The following MAF variants were observed in gnomAD, a reference collection of about 807,000 sequenced individuals.
The protein encoded by MAF is MAF bZIP transcription factor, also known as transcription factor Maf.
MAF carries 10 observed loss-of-function variants against 22.0 expected under a neutral mutation model. The ratio of observed to expected loss-of-function variants is 0.45; its 90% CI spans 0.28 to 0.77. The LOEUF is 0.77. MAF is among the 30% of genes least tolerant of loss of function. MAF has a pLI of 0.12. For synonymous variants in MAF, 337 were observed against 255.8 expected, an observed-to-expected ratio of 1.32 and a Z score of -3.03; for missense variants, 544 against 548.4, an observed-to-expected ratio of 0.99 and a Z score of 0.08.
chr16:79,599,426 G>A lies in MAF; in HGVS notation c.477C>T (p.Pro159=), dbSNP rs1913847067. The change falls in exon 1 of 2, where the codon CCC becomes CCT. Residue 159 remains proline, a synonymous_variant. Coordinates refer to ENST00000326043, the MANE Select transcript of MAF (RefSeq NM_005360.5). ...SLGGSGEEMG[P]AAAVVSAVIA... ...TCACGGCGGACACCACGGCGGCGGC[G>A]GGGCCCATCTCCTCGCCGCTGCCGC... 3 of 1,198,050 alleles carry A rather than the reference G, an allele frequency of 2.5e-6. No individual in the cohort carries two copies. Among genetic ancestry groups the A allele is most frequent in the South Asian group, 4.1e-5 (1 of 24,360 alleles). 74.2% of individuals were successfully genotyped at this position (1,198,050 alleles called of 1,614,324 possible). A position where few individuals can be genotyped will look rare whatever the true frequency, so the allele number is the denominator to read the frequency against.
At chr16:79,423,496 C>T in the MAF span, among the ~76,000 whole-genome samples, 1 of 151,988 alleles carries the variant, frequency 6.6e-6, no homozygotes, top group Non-Finnish European at 1.5e-5. Flanking sequence ...ATGGCAGCAA[C>T]ATCTACCCCA....
the MAF span, among the ~76,000 whole-genome samples, chr16:79,327,638 C>T: frequency 5.0e-3 from 754 of 152,274 alleles, 11 homozygotes; most frequent in African/African-American, 0.018. Flanking sequence ...TATCATTAAG[C>T]GTTCTCTCTC....
chr16:79,561,989 G>T, the MAF span, among the ~76,000 whole-genome samples: 17 of 152,148 alleles, frequency 1.1e-4, no homozygotes, highest in Admixed American at 1.1e-3. Context: ...TTTGTCCCCA[G>T]GCTCACAATC....
At position 79,600,099 on chromosome 16, in the gene MAF, C is replaced by A. The variant is rs1235153666; in HGVS notation, c.-197G>T. The A allele has an allele frequency of 1.3e-5, 8 of 620,902 alleles. No individual in the cohort carries two copies. The highest frequency in any genetic ancestry group is 4.5e-4 in the Middle Eastern group (1 of 2,218). The allele number at this position is 620,902 out of a possible 1,614,324, so 38.5% of individuals were successfully genotyped here. A position where few individuals can be genotyped will look rare whatever the true frequency, so the allele number is the denominator to read the frequency against. ...CCCCCCGCCCTGCCCGCGCCCCCCG[C>A]GCCCGCCCTCCCTCCCCCCTGCTCA... is the stretch of plus-strand genomic sequence containing the variant. On this transcript the variant is annotated 5_prime_UTR_variant, in exon 1 of 2. Transcript: ENST00000326043.
At chr16:79,364,737 G>A in the MAF span, among the ~76,000 whole-genome samples, 2 of 152,316 alleles carry the variant, frequency 1.3e-5, no homozygotes, top group Non-Finnish European at 2.9e-5. Context: ...TACCTACAAG[G>A]AGAATCTTCA....
the MAF span, among the ~76,000 whole-genome samples, chr16:79,463,567 G>A: frequency 6.6e-6 from 1 of 152,180 alleles, no homozygotes; most frequent in Admixed American, 6.6e-5. Flanking sequence ...AATTGGAAAT[G>A]AGCATTTTGT....
At chr16:79,379,397 A>G in the MAF span, among the ~76,000 whole-genome samples, 3 of 152,154 alleles carry the variant, frequency 2.0e-5, no homozygotes, top group African/African-American at 4.8e-5. Flanking sequence ...GCATGTATGC[A>G]TGAGTTGCCA....
the MAF span, among the ~76,000 whole-genome samples, chr16:79,534,921 G>A: frequency 4.1e-4 from 63 of 152,220 alleles, no homozygotes; most frequent in Middle Eastern, 3.4e-3. Context: ...CTCAGCTTCA[G>A]TTTTACTTTT....
chr16:79,557,420 G>C, the MAF span, among the ~76,000 whole-genome samples: 1 of 152,010 alleles, frequency 6.6e-6, no homozygotes, highest in African/African-American at 2.4e-5. Flanking sequence ...CTCTGGCCAT[G>C]AGCAAGAAGA....
chr16:79,374,100 A>G, the MAF span, among the ~76,000 whole-genome samples: 1 of 152,182 alleles, frequency 6.6e-6, no homozygotes. Context: ...CACATCAAAC[A>G]AGTAAAAAAA....
chr16:79,296,921 G>A, the MAF span, among the ~76,000 whole-genome samples: 3 of 152,126 alleles, frequency 2.0e-5, no homozygotes, highest in Non-Finnish European at 2.9e-5. Flanking sequence ...TCCTCTGTGC[G>A]GGCACAAAAC....
chr16:79,333,819 C>T, the MAF span, among the ~76,000 whole-genome samples: 1 of 152,178 alleles, frequency 6.6e-6, no homozygotes, highest in Non-Finnish European at 1.5e-5. Flanking sequence ...TCACCTGGAT[C>T]TGGTAATATC....
the MAF span, among the ~76,000 whole-genome samples, chr16:79,577,616 G>A: frequency 6.6e-6 from 1 of 152,118 alleles, no homozygotes; most frequent in Non-Finnish European, 1.5e-5. Flanking sequence ...ACTGTCTTCT[G>A]CTCCACGGAA....
the MAF span, among the ~76,000 whole-genome samples, chr16:79,431,810 G>T: frequency 0.24 from 36,556 of 152,100 alleles, 5,104 homozygotes; most frequent in Admixed American, 0.37. Context: ...AAGGGATCCT[G>T]AGAGGGAATC....
the MAF span, among the ~76,000 whole-genome samples, chr16:79,381,722 G>T: frequency 1.3e-4 from 20 of 152,120 alleles, no homozygotes; most frequent in Non-Finnish European, 2.9e-4. Context: ...TTCCTTCTCG[G>T]TTACACTATT....
At chr16:79,317,288 CCTT>C in the MAF span, among the ~76,000 whole-genome samples, 42 of 144,016 alleles carry the variant, frequency 2.9e-4, no homozygotes, top group Non-Finnish European at 5.2e-4. Context: ...TTCCTTCCTT[CCTT>C]TTCTCCCTCC....
At chr16:79,517,836 A>G in the MAF span, among the ~76,000 whole-genome samples, 1 of 152,094 alleles carries the variant, frequency 6.6e-6, no homozygotes, top group African/African-American at 2.4e-5. Context: ...CGGCCTCCCA[A>G]AGTGCTGGAA....
At chr16:79,282,904 TTATGAGTTTCATCAAAGGCA>T in the MAF span, among the ~76,000 whole-genome samples, 3 of 152,162 alleles carry the variant, frequency 2.0e-5, no homozygotes, top group Non-Finnish European at 4.4e-5. Flanking sequence ...TCCTATTTGC[TTATGAGTTTCATCAAAGGCA>T]TGTTTCAAAC....
At chr16:79,595,015 C>T (rs532460794) in intron 1 of MAF, 1 of 1,058,748 alleles carries the variant, frequency 9.4e-7, no homozygotes, top group Non-Finnish European at 1.1e-6. Flanking sequence ...GAATATCACT[C>T]TTATTTTGAG....
Sources: gnomAD v4.1 joint callset for allele counts (sites outside exome capture counted in the v4.1 genomes callset) on GRCh38, gnomAD v4.1.1 for gene constraint, MANE v1.5 for transcripts, NCBI Gene and HGNC (gene_info 2026-07-23, HGNC 2026-07-21) for gene names.